Variants in ASIC2 observed in about 807,000 individuals in gnomAD.
ASIC2 encodes the protein acid sensing ion channel subunit 2, also known as acid-sensing ion channel 2.
ASIC2 carries 25 observed loss-of-function variants against 57.3 expected under a neutral mutation model. The observed-to-expected ratio is 0.44, with a 90% confidence interval of 0.32 to 0.61. The LOEUF is 0.61. Ranked by LOEUF, ASIC2 falls within the 20% of genes least tolerant of loss-of-function variation. The pLI, the probability that ASIC2 is intolerant of heterozygous loss-of-function variation, is 0.06. For missense variants in ASIC2, 641 were observed against 738.1 expected (o/e 0.87, Z 1.52); for synonymous variants, 319 against 307.5 (o/e 1.04, Z -0.39).
intron 1 of ASIC2, among the ~76,000 whole-genome samples, chr17:33,933,994 A>G (rs925217673): frequency 6.6e-6 from 1 of 152,150 alleles, no homozygotes; most frequent in African/African-American, 2.4e-5. Context: ...AACGTATTTG[A>G]TTCTTTCGGG....
intron 1 of ASIC2, among the ~76,000 whole-genome samples, chr17:33,145,390 C>A (rs1002483965): frequency 6.6e-6 from 1 of 152,262 alleles, no homozygotes; most frequent in Admixed American, 6.5e-5. Context: ...TATTGGGCTA[C>A]ATGCCATAAT....
At chr17:34,066,424 T>C (rs1909174505) in intron 1 of ASIC2, among the ~76,000 whole-genome samples, 1 of 152,174 alleles carries the variant, frequency 6.6e-6, no homozygotes, top group African/African-American at 2.4e-5. Context: ...GGGTGGGTCC[T>C]CAGCATCTAT....
chr17:34,038,786 C>T, intron 1 of ASIC2: 1 of 1,611,718 alleles, frequency 6.2e-7, no homozygotes, highest in Non-Finnish European at 8.5e-7. Context: ...CTTGCTTTTC[C>T]ACTGTTTCTG....
At chr17:34,131,624 G>A (rs1379813389) in intron 1 of ASIC2, among the ~76,000 whole-genome samples, 5 of 152,346 alleles carry the variant, frequency 3.3e-5, no homozygotes, top group African/African-American at 1.2e-4. Context: ...GCTGACAGCA[G>A]GGACATCTTC....
intron 1 of ASIC2, among the ~76,000 whole-genome samples, chr17:33,856,142 C>G (rs1243509857): frequency 1.3e-5 from 2 of 152,166 alleles, no homozygotes; most frequent in African/African-American, 4.8e-5. Context: ...AGGTCAGGAA[C>G]AGGGACTCTG....
chr17:33,359,673 G>T (rs1263021415), intron 1 of ASIC2, among the ~76,000 whole-genome samples: 2 of 152,158 alleles, frequency 1.3e-5, no homozygotes, highest in Non-Finnish European at 2.9e-5. Context: ...AGAAATAAGA[G>T]AAATCATTTG....
chr17:33,358,262 G>A (rs1020676923), intron 1 of ASIC2, among the ~76,000 whole-genome samples: 7 of 152,324 alleles, frequency 4.6e-5, no homozygotes, highest in African/African-American at 1.7e-4. Context: ...AACGGCAGAA[G>A]AATAGTTGAG....
At chr17:33,815,346 A>C (rs1338814065) in intron 1 of ASIC2, among the ~76,000 whole-genome samples, 2 of 152,178 alleles carry the variant, frequency 1.3e-5, no homozygotes, top group African/African-American at 4.8e-5. Context: ...CATGGCCCCC[A>C]CAGGCTGTTG....
intron 1 of ASIC2, among the ~76,000 whole-genome samples, chr17:33,406,518 C>A (rs182802816): frequency 6.6e-6 from 1 of 152,334 alleles, no homozygotes; most frequent in Admixed American, 6.5e-5. Flanking sequence ...TCCCAGCTTG[C>A]TCTCTTATTA....
intron 1 of ASIC2, among the ~76,000 whole-genome samples, chr17:34,142,556 G>A (rs889012252): frequency 6.6e-6 from 1 of 152,136 alleles, no homozygotes; most frequent in Non-Finnish European, 1.5e-5. Flanking sequence ...TACAATTGTA[G>A]TGTATAATCA....
chr17:33,971,592 T>C (rs1193622548), intron 1 of ASIC2, among the ~76,000 whole-genome samples: 1 of 152,172 alleles, frequency 6.6e-6, no homozygotes, highest in Non-Finnish European at 1.5e-5. Context: ...GAATGAACTC[T>C]TTGGAAATGC....
intron 1 of ASIC2, among the ~76,000 whole-genome samples, chr17:33,414,717 T>G (rs1349948636): frequency 6.6e-6 from 1 of 152,236 alleles, no homozygotes; most frequent in Non-Finnish European, 1.5e-5. Flanking sequence ...CTGAGAATGC[T>G]GAACACGTTT....
intron 2 of ASIC2, among the ~76,000 whole-genome samples, chr17:33,093,806 T>A (rs1351304327): frequency 6.6e-6 from 1 of 152,212 alleles, no homozygotes; most frequent in African/African-American, 2.4e-5. Flanking sequence ...AAATCTTTCA[T>A]CTTGGCAAAT....
At chr17:33,987,043 T>C (rs1289433803) in intron 1 of ASIC2, among the ~76,000 whole-genome samples, 2 of 152,216 alleles carry the variant, frequency 1.3e-5, no homozygotes, top group African/African-American at 4.8e-5. Context: ...AATCTAAGCA[T>C]TTTACATGCA....
chr17:33,910,253 C>G (rs554824083), intron 1 of ASIC2, among the ~76,000 whole-genome samples: 1 of 152,218 alleles, frequency 6.6e-6, no homozygotes, highest in South Asian at 2.1e-4. Flanking sequence ...AACAATATAT[C>G]AAATTTATTG....
In ASIC2 at chr17:33,332,760, A is replaced by G. The variant is rs569292768; in HGVS notation, c.556-220693T>C. Among the ~76,000 whole-genome samples the G allele has an allele frequency of 1.4e-3, 212 of 152,236 alleles. 1 individual carries two copies. Among genetic ancestry groups the G allele is most frequent in the African/African-American group, 5.0e-3 (208 of 41,544 alleles). ...ACAAAAATTAGCTGGGAATGGTTGT[A>G]CATGTCTGTAGTCCCAGCTACTCAG... On this transcript the variant is annotated intron_variant, in intron 1 of 9. Coordinates refer to the ASIC2 transcript ENST00000359872.
intron 1 of ASIC2, among the ~76,000 whole-genome samples, chr17:33,536,907 G>A (rs1317145394): frequency 1.3e-5 from 2 of 152,104 alleles, no homozygotes; most frequent in Admixed American, 6.5e-5. Flanking sequence ...AGGGGGAGGG[G>A]TGCTGAGGTG....
intron 1 of ASIC2, among the ~76,000 whole-genome samples, chr17:33,383,027 A>AC (rs1229593773): frequency 1.8e-5 from 2 of 113,962 alleles, no homozygotes; most frequent in East Asian, 3.3e-4. Context: ...AGGGAATATA[A>AC]AAAACAAACA....
intron 1 of ASIC2, among the ~76,000 whole-genome samples, chr17:34,107,557 C>T (rs1567824645): frequency 6.6e-6 from 1 of 152,118 alleles, no homozygotes; most frequent in Non-Finnish European, 1.5e-5. Context: ...TTCAGTTCTA[C>T]AGTATCTTAA....
Sources: allele counts gnomAD v4.1 joint callset (sites outside exome capture counted in the v4.1 genomes callset), GRCh38; gene constraint gnomAD v4.1.1; transcripts MANE v1.5; gene names NCBI Gene and HGNC (gene_info 2026-07-23, HGNC 2026-07-21).